Variants in ZFP28 observed in about 807,000 individuals in gnomAD.
ZFP28 encodes zinc finger protein 28 homolog.
A neutral mutation model predicts 39.5 loss-of-function variants in ZFP28; 31 were observed. The observed-to-expected ratio is 0.79, with a 90% CI of 0.59 to 1.06. The LOEUF is 1.06. ZFP28 is among the 50% of genes least tolerant of loss of function. The pLI is 0.00. For missense variants in ZFP28, 925 were observed against 1,048.4 expected (o/e 0.88, Z 1.63); for synonymous variants, 400 against 378.6 (o/e 1.06, Z -0.66).
intron 7 of ZFP28, chr19:56,553,143 T>G (rs770526612): frequency 2.6e-5 from 4 of 152,178 alleles, no homozygotes; most frequent in Admixed American, 6.5e-5. Flanking sequence ...AGAGAGAAAT[T>G]GCAAGGCTTC....
chr19:56,551,765 C>T lies in ZFP28; in HGVS notation c.898+1160C>T, dbSNP rs1187007505. 2.0e-5 allele frequency: 20 copies of T among 984,098 alleles called. No individual in the cohort carries two copies. In the South Asian group the frequency reaches 5.2e-4, roughly 25 times the overall value. The allele number at this position is 984,098 out of a possible 1,614,324, so 61.0% of individuals were successfully genotyped here. Reference sequence around the variant, plus strand: ...TTATGAAAGAAGTTGAACATTTTTTCGTAAATTTGGTTTTTCTCTTATCTT... The same window carrying T: ...TTATGAAAGAAGTTGAACATTTTTTTGTAAATTTGGTTTTTCTCTTATCTT... On this transcript the variant is annotated intron_variant, in intron 7 of 7. Coordinates refer to ENST00000301318, the MANE Select transcript of ZFP28 (RefSeq NM_020828.2).
chr19:56,552,324 G>A (rs10415256), intron 7 of ZFP28: 64,588 of 152,000 alleles, frequency 0.42, 15,716 homozygotes, highest in African/African-American at 0.68. Context: ...AAGAATATAT[G>A]AGAATACTGT....
rs1477185360 is a variant in ZFP28 at position 56,547,650 on chromosome 19, C to T, written c.427+16C>T. The T allele has an allele frequency of 1.3e-6, 2 of 1,599,634 alleles. No homozygotes were observed. The highest frequency in any genetic ancestry group is 3.4e-5 in the Admixed American group (2 of 58,976). On this transcript the variant is annotated intron_variant, in intron 3 of 7. Coordinates refer to ENST00000301318, the MANE Select transcript of ZFP28 (RefSeq NM_020828.2). This position sits in a 1 kb window ranked among gnomAD's most constrained non-coding sequence, Gnocchi z 4.6. ...GCATCGCTGGGTAAGGGCTCCCACC[C>T]CTTTTCCCACCCCTCACCCTACCCA...
intron 5 of ZFP28, 80 bp downstream of exon 5, chr19:56,549,201 C>G (rs1242780254): frequency 6.7e-6 from 10 of 1,487,384 alleles, no homozygotes; most frequent in Non-Finnish European, 9.0e-6. Flanking sequence ...ACCATGACTA[C>G]AACAACTATA....
At position 56,549,091 on chromosome 19, in the gene ZFP28, G is replaced by A; in HGVS notation, c.657G>A (p.Trp219Ter). 5 of 1,612,028 alleles carry A rather than the reference G, an allele frequency of 3.1e-6. No individual in the cohort carries two copies. Among genetic ancestry groups the A allele is most frequent in the Non-Finnish European group, 4.2e-6 (5 of 1,179,242 alleles). The change falls in exon 5 of 8, where the codon TGG (tryptophan) becomes TGA (stop). Residue 219 changes from tryptophan (W) to a stop codon, truncating the protein, a stop_gained. Transcript: ENST00000301318. LOFTEE classifies it high-confidence loss of function. ...NLEYSLLGEH[W>*]DYDALFETQP... is the part of the protein sequence containing the mutation. The stretch of plus-strand genomic sequence containing the variant: ...AGTACTCTCTGTTAGGGGAACACTG[G>A]GATTATGATGCTCTGTTTGAGACAC...
chr19:56,555,299 G>C lies in ZFP28; in HGVS notation c.2514G>C (p.Glu838Asp). 1 of 1,614,152 alleles carries C rather than the reference G, an allele frequency of 6.2e-7. No individual in the cohort carries two copies. The highest frequency in any genetic ancestry group is 8.5e-7 in the Non-Finnish European group (1 of 1,180,036). The change falls in exon 8 of 8, where the codon GAG becomes GAC. Residue 838 changes from glutamate (E) to aspartate (D), a missense_variant. Glu to Asp is a conservative substitution (Grantham distance 45). Coordinates refer to ENST00000301318, the MANE Select transcript of ZFP28 (RefSeq NM_020828.2). ...LAHHQRIHTG[E>D]SSTCPSLPST... The stretch of plus-strand genomic sequence containing the variant: ...ATCATCAGCGAATTCATACTGGAGA[G>C]TCGTCAACATGCCCCTCTTTACCTT...
Position 56,554,082 on chromosome 19 carries a change from T to C in ZFP28, c.1297T>C (p.Ser433Pro). Residue 433 changes from serine (S) to proline (P), a missense_variant, in exon 8 of 8, where the codon TCA (serine) becomes CCA (proline). Physicochemically the swap from Ser to Pro is moderately conservative, Grantham distance 74 (BLOSUM62 -1). Around this residue, in one of 2 missense-constraint regions of ZFP28, gnomAD observed 556 missense variants for 542.9 expected, o/e 1.02. Transcript: ENST00000301318. The surrounding 1 kb of genome is among the most constrained non-coding windows in gnomAD (Gnocchi z 6.7). Reference protein sequence around the residue: ...NECKKTFTQSSSLTVHQRIHT... With the variant: ...NECKKTFTQSPSLTVHQRIHT... ...ATGTAAGAAAACTTTTACCCAGAGC[T>C]CATCTCTTACTGTTCATCAGAGAAT... 6.2e-7 allele frequency: 1 copy of C among 1,614,196 alleles called. No individual in the cohort carries two copies.
At chr19:56,538,903 G>T (rs2044163759), upstream of ZFP28, 4 of 938,174 alleles carry the variant, frequency 4.3e-6, no homozygotes, top group Non-Finnish European at 5.5e-6. Flanking sequence ...CCCAGTGGAT[G>T]CCGGGCCATG....
In ZFP28 at chr19:56,539,646, C is replaced by T; in HGVS notation, c.230C>T (p.Ala77Val). ...TCAGCTCTGCCTTCCAGGGACACTG[C>T]TCTTCCCCAGGAGAGAAACAAGAAG... Reference protein sequence around the residue: ...GHRALPSRDTALPQERNKKLE... With the variant: ...GHRALPSRDTVLPQERNKKLE... The change falls in exon 2 of 8, where the codon GCT (alanine) becomes GTT (valine). Residue 77 changes from alanine (A) to valine (V), a missense_variant. Around this residue, in one of 2 missense-constraint regions of ZFP28, gnomAD observed 556 missense variants for 542.9 expected, o/e 1.02. Coordinates refer to ENST00000301318, the MANE Select transcript of ZFP28 (RefSeq NM_020828.2). 4 of 1,614,096 alleles carry T rather than the reference C, an allele frequency of 2.5e-6. No homozygotes were observed. The highest frequency in any genetic ancestry group is 3.4e-6 in the Non-Finnish European group (4 of 1,180,004).
intron 2 of ZFP28, among the ~76,000 whole-genome samples, chr19:56,542,184 ACT>A (rs1432793759): frequency 2.0e-5 from 3 of 150,680 alleles, no homozygotes; most frequent in Non-Finnish European, 4.4e-5. Flanking sequence ...ACAAGGTCTC[ACT>A]CTGTCACCCA....
In ZFP28 at chr19:56,554,276, C is replaced by T. The variant is rs1191537531; in HGVS notation, c.1491C>T (p.Tyr497=). The change falls in exon 8 of 8, where the codon TAC becomes TAT. Residue 497 remains tyrosine, a synonymous_variant. Transcript: ENST00000301318. This position sits in a 1 kb window ranked among gnomAD's most constrained non-coding sequence, Gnocchi z 6.7. Reference sequence around the variant, plus strand: ...CATCCCTTATCCGTCACTGGAGATACTATCATACTGGGGAGAAACCCTTTG... The same window carrying T: ...CATCCCTTATCCGTCACTGGAGATATTATCATACTGGGGAGAAACCCTTTG... ...QNTSLIRHWR[Y]YHTGEKPFDC... is the part of the protein sequence containing the mutation. 1.2e-6 allele frequency: 2 copies of T among 1,614,176 alleles called. No individual in the cohort carries two copies. Among genetic ancestry groups the T allele is most frequent in the Non-Finnish European group, 1.7e-6 (2 of 1,180,030 alleles).
At chr19:56,537,968 C>A (rs2044149233), upstream of ZFP28, 1 of 152,214 alleles carries the variant, frequency 6.6e-6, no homozygotes, top group African/African-American at 2.4e-5. Flanking sequence ...GTGATTCACA[C>A]AGGAAGGGAA....
In ZFP28 at chr19:56,555,568, T is replaced by A; in HGVS notation, c.*176T>A. ...AAATTGGTTAATGTGTGAGATGTGC[T>A]CAGCACAGTGCCTGGTCCATAGTAA... On this transcript the variant is annotated 3_prime_UTR_variant, in exon 8 of 8. Coordinates refer to ENST00000301318, the MANE Select transcript of ZFP28 (RefSeq NM_020828.2). 1 of 871,418 alleles carries A rather than the reference T, an allele frequency of 1.1e-6. No individual in the cohort carries two copies. The highest frequency in any genetic ancestry group is 1.7e-6 in the Non-Finnish European group (1 of 583,992). 54.0% of individuals were successfully genotyped at this position (871,418 alleles called of 1,614,324 possible).
chr19:56,550,118 C>G lies in ZFP28; in HGVS notation c.739C>G (p.Pro247Ala), dbSNP rs544442408. 1 of 1,613,346 alleles carries G rather than the reference C, an allele frequency of 6.2e-7. No homozygotes were observed. Among genetic ancestry groups the G allele is most frequent in the South Asian group, 1.1e-5 (1 of 90,688 alleles). ...LAVDFRQQLH[P>A]AQKNFCKNGI... is the part of the protein sequence containing the mutation. ...TGTTGACTTCCGCCAGCAGCTACAC[C>G]CAGCTCAGAAGAATTTCTGTAAGAA... Residue 247 changes from proline (P) to alanine (A), a missense_variant, in exon 6 of 8, where the codon CCA becomes GCA. Pro to Ala is a conservative substitution (Grantham distance 27). Coordinates refer to ENST00000301318, the MANE Select transcript of ZFP28 (RefSeq NM_020828.2).
chr19:56,537,900 G>C (rs191573624), upstream of ZFP28: 1 of 152,202 alleles, frequency 6.6e-6, no homozygotes, highest in East Asian at 1.9e-4. Context: ...TAAGGCCCCT[G>C]GGGGAGAGAC....
Position 56,551,042 on chromosome 19 carries a change from C to T in ZFP28, c.898+437C>T. 4.2e-6 allele frequency: 5 copies of T among 1,188,810 alleles called. No individual in the cohort carries two copies. In the South Asian group the frequency reaches 1.2e-4, roughly 27 times the overall value. 73.6% of individuals were successfully genotyped at this position (1,188,810 alleles called of 1,614,324 possible). ...GCGATTGGAAAAAGGGAGAATTACA[C>T]ATAAATGTAAGCCATCAGTGAATTA... On this transcript the variant is annotated intron_variant, in intron 7 of 7. Coordinates refer to ENST00000301318, the MANE Select transcript of ZFP28 (RefSeq NM_020828.2).
intron 2 of ZFP28, among the ~76,000 whole-genome samples, chr19:56,542,737 A>T (rs117815527): frequency 1.9e-3 from 283 of 151,682 alleles, no homozygotes; most frequent in Middle Eastern, 0.01. Context: ...TTTATACCTG[A>T]AAATGTGCTT....
upstream of ZFP28, among the ~76,000 whole-genome samples, chr19:56,536,986 T>C (rs541434595): frequency 1.6e-5 from 2 of 128,424 alleles, no homozygotes; most frequent in South Asian, 2.6e-4. Flanking sequence ...CCCTGAGCCT[T>C]TACAGCCCTT....
chr19:56,550,576 A>C lies in ZFP28; in HGVS notation c.869A>C (p.Lys290Thr), dbSNP rs753535205. 1.2e-6 allele frequency: 2 copies of C among 1,614,040 alleles called. No individual in the cohort carries two copies. Among genetic ancestry groups the C allele is most frequent in the African/African-American group, 2.7e-5 (2 of 74,930 alleles). The part of the protein sequence containing the change: ...LEQEKEPWMV[K>T]RELTGSLFSG... The stretch of plus-strand genomic sequence containing the variant: ...CAAGAGAAGGAGCCCTGGATGGTGA[A>C]GCGAGAGCTGACAGGAAGCCTGTTC... Residue 290 changes from lysine (K) to threonine (T), a missense_variant, in exon 7 of 8, where the codon AAG (lysine) becomes ACG (threonine). Physicochemically the swap from Lys to Thr is moderately conservative, Grantham distance 78. Around this residue, in one of 2 missense-constraint regions of ZFP28, gnomAD observed 556 missense variants for 542.9 expected, o/e 1.02. Transcript: ENST00000301318.
Sources: allele counts gnomAD v4.1 joint callset (sites outside exome capture counted in the v4.1 genomes callset), GRCh38; gene constraint gnomAD v4.1.1; regional missense constraint gnomAD v4.1.1; non-coding constraint Gnocchi (gnomAD v3.1); transcripts MANE v1.5; gene names NCBI Gene and HGNC (gene_info 2026-07-23, HGNC 2026-07-21).